The following NRXN1 variants were observed in gnomAD, a reference collection of about 807,000 sequenced individuals.
NRXN1 encodes the protein neurexin 1, also known as neurexin-1.
NRXN1 carries 39 observed loss-of-function variants against 150.9 expected under a neutral mutation model. The observed-to-expected ratio is 0.26, with a 90% confidence interval of 0.20 to 0.34. NRXN1 has a LOEUF of 0.34. Ranked by LOEUF, NRXN1 falls within the 10% of genes least tolerant of loss-of-function variation. The pLI is 1.00. For synonymous variants in NRXN1, 924 were observed against 757.0 expected (o/e 1.22, Z -3.62); for missense variants, 1,815 against 1,949.9 (o/e 0.93, Z 1.30).
chr2:50,804,973 G>A (rs547044622), intron 5 of NRXN1, among the ~76,000 whole-genome samples: 163 of 152,248 alleles, frequency 1.1e-3, no homozygotes, highest in African/African-American at 3.9e-3. Context: ...GCAGGTTTGG[G>A]AGCCAGGCTC....
At chr2:50,896,761 C>T (rs572218233) in intron 5 of NRXN1, among the ~76,000 whole-genome samples, 28 of 152,000 alleles carry the variant, frequency 1.8e-4, no homozygotes, top group African/African-American at 6.5e-4. Flanking sequence ...GCAGGAGAAT[C>T]GCTTGAGCCC....
chr2:50,090,816 A>G (rs1338956857), intron 19 of NRXN1, among the ~76,000 whole-genome samples: 1 of 152,022 alleles, frequency 6.6e-6, no homozygotes, highest in Admixed American at 6.6e-5. Flanking sequence ...ATAACTGCTG[A>G]TTTATGCTAC....
At chr2:50,802,729 A>C (rs139918560) in intron 5 of NRXN1, among the ~76,000 whole-genome samples, 4 of 152,224 alleles carry the variant, frequency 2.6e-5, no homozygotes, top group Non-Finnish European at 4.4e-5. Context: ...GTGGGCCCTA[A>C]TCCAATATGA....
chr2:50,590,286 G>C (rs528588378), intron 8 of NRXN1, among the ~76,000 whole-genome samples: 4 of 152,112 alleles, frequency 2.6e-5, no homozygotes, highest in Non-Finnish European at 5.9e-5. Context: ...TGTGGTTATG[G>C]AATGTGCTTG....
intron 2 of NRXN1, among the ~76,000 whole-genome samples, chr2:50,946,566 A>G (rs1690423561): frequency 6.6e-6 from 1 of 152,136 alleles, no homozygotes; most frequent in Admixed American, 6.6e-5. Context: ...TACATTTTTA[A>G]CCACATAAGA....
intron 17 of NRXN1, among the ~76,000 whole-genome samples, chr2:50,450,380 T>C (rs1034523407): frequency 1.5e-4 from 23 of 151,618 alleles, no homozygotes; most frequent in African/African-American, 5.1e-4. Context: ...ATATACTGAG[T>C]ATATATTAAA....
intron 19 of NRXN1, among the ~76,000 whole-genome samples, chr2:50,084,681 C>T (rs548723477): frequency 1.3e-5 from 2 of 152,332 alleles, no homozygotes; most frequent in South Asian, 4.1e-4. Context: ...CTGAAGGGCT[C>T]CTCAAGCGTG....
chr2:49,980,550 T>C (rs988482990), intron 21 of NRXN1, among the ~76,000 whole-genome samples: 1 of 152,182 alleles, frequency 6.6e-6, no homozygotes, highest in African/African-American at 2.4e-5. Context: ...GAGCCATCCA[T>C]TAAGGGATAG....
At chr2:50,812,733 T>C (rs1214937843) in intron 5 of NRXN1, among the ~76,000 whole-genome samples, 1 of 149,552 alleles carries the variant, frequency 6.7e-6, no homozygotes, top group Non-Finnish European at 1.5e-5. Flanking sequence ...AGTGTGTGTG[T>C]GTGTGTGTGA....
intron 21 of NRXN1, among the ~76,000 whole-genome samples, chr2:49,985,762 C>G (rs564642303): frequency 6.6e-6 from 1 of 152,202 alleles, no homozygotes; most frequent in East Asian, 1.9e-4. Context: ...TACTGTCATG[C>G]AAATGAGTGA....
chr2:50,512,841 C>CA (rs2092500793), intron 12 of NRXN1, among the ~76,000 whole-genome samples: 2 of 152,144 alleles, frequency 1.3e-5, no homozygotes, highest in Admixed American at 6.5e-5. Flanking sequence ...GTACAATTTA[C>CA]AAAGAACCTC....
intron 17 of NRXN1, among the ~76,000 whole-genome samples, chr2:50,288,020 G>C (rs539282205): frequency 2.0e-5 from 3 of 152,186 alleles, no homozygotes; most frequent in East Asian, 1.9e-4. Context: ...CAAAATAAAA[G>C]TATGTATTAT....
At chr2:50,362,079 A>C (rs2079252541) in intron 17 of NRXN1, among the ~76,000 whole-genome samples, 1 of 152,198 alleles carries the variant, frequency 6.6e-6, no homozygotes, top group Non-Finnish European at 1.5e-5. Context: ...TCAATAAACT[A>C]GGTATTGGTG....
chr2:49,938,892 G>C (rs767432611), intron 22 of NRXN1, among the ~76,000 whole-genome samples: 1 of 152,144 alleles, frequency 6.6e-6, no homozygotes, highest in African/African-American at 2.4e-5. Context: ...CTATTTGGAA[G>C]AGGGCCCCCA....
chr2:50,101,582 G>A (rs750352779), intron 18 of NRXN1, among the ~76,000 whole-genome samples: 2 of 151,936 alleles, frequency 1.3e-5, no homozygotes, highest in Non-Finnish European at 2.9e-5. Context: ...CATGGCAAAT[G>A]TAACCTTAGT....
chr2:50,384,619 G>A (rs2081203023), intron 17 of NRXN1, among the ~76,000 whole-genome samples: 1 of 151,658 alleles, frequency 6.6e-6, no homozygotes, highest in Admixed American at 6.6e-5. Flanking sequence ...CAGGTCTGTA[G>A]GTAGTACTCT....
At chr2:50,204,041 T>G (rs967083226) in intron 18 of NRXN1, among the ~76,000 whole-genome samples, 1 of 152,122 alleles carries the variant, frequency 6.6e-6, no homozygotes, top group Non-Finnish European at 1.5e-5. Flanking sequence ...ATTATACAGT[T>G]TTGACTCAAA....
At chr2:50,931,684 T>G (rs1335284165) in intron 2 of NRXN1, among the ~76,000 whole-genome samples, 1 of 152,066 alleles carries the variant, frequency 6.6e-6, no homozygotes, top group Non-Finnish European at 1.5e-5. Context: ...CTCTTAGTTT[T>G]TCATTTTATA....
At chr2:50,503,780 T>A (rs1368144858) in intron 13 of NRXN1, among the ~76,000 whole-genome samples, 2 of 152,114 alleles carry the variant, frequency 1.3e-5, no homozygotes, top group East Asian at 3.9e-4. Flanking sequence ...ATTTACATGG[T>A]CTTAATGTCT....
Sources: allele counts gnomAD v4.1 joint callset (sites outside exome capture counted in the v4.1 genomes callset), GRCh38; gene constraint gnomAD v4.1.1; transcripts MANE v1.5; gene names NCBI Gene and HGNC (gene_info 2026-07-23, HGNC 2026-07-21).